Variants in MAP3K9 observed in about 807,000 individuals in gnomAD.
MAP3K9 encodes the protein mitogen-activated protein kinase kinase kinase 9.
MAP3K9 carries 46 observed loss-of-function variants against 95.8 expected under a neutral mutation model. The ratio of observed to expected loss-of-function variants is 0.48; its 90% CI spans 0.38 to 0.61. MAP3K9 has a LOEUF of 0.61. MAP3K9 is among the 20% of genes least tolerant of loss of function. The pLI is 0.00. For missense variants in MAP3K9, 1,296 were observed against 1,474.3 expected (o/e 0.88, Z 1.98); for synonymous variants, 533 against 593.8 (o/e 0.90, Z 1.49).
intron 8 of MAP3K9, 134 bp downstream of exon 8, chr14:70,738,111 A>G (rs1482544275): frequency 8.8e-6 from 9 of 1,026,760 alleles, no homozygotes; most frequent in Non-Finnish European, 1.2e-5. Flanking sequence ...AAACTGTTGT[A>G]AAGATCAAGA....
At chr14:70,763,784 A>G (rs896955932) in intron 2 of MAP3K9, among the ~76,000 whole-genome samples, 1 of 152,040 alleles carries the variant, frequency 6.6e-6, no homozygotes, top group African/African-American at 2.4e-5. Context: ...CTCCCACCTC[A>G]GCCTCCCAAA....
chr14:70,799,020 T>C (rs954427048), intron 2 of MAP3K9, among the ~76,000 whole-genome samples: 39 of 152,252 alleles, frequency 2.6e-4, no homozygotes, highest in Non-Finnish European at 5.7e-4. Flanking sequence ...AAATGTATAT[T>C]TGTATATGCA....
intron 2 of MAP3K9, among the ~76,000 whole-genome samples, chr14:70,796,944 G>A (rs1263910636): frequency 1.3e-5 from 2 of 152,128 alleles, no homozygotes; most frequent in Non-Finnish European, 2.9e-5. Context: ...TGGCTTTTCG[G>A]GCTACGTACG....
chr14:70,779,123 T>C (rs1452824264), intron 2 of MAP3K9, among the ~76,000 whole-genome samples: 7 of 152,170 alleles, frequency 4.6e-5, no homozygotes. Context: ...CCCTTGTAGC[T>C]GGAGCAGAAC....
intron 2 of MAP3K9, among the ~76,000 whole-genome samples, chr14:70,779,675 A>T (rs564347990): frequency 6.6e-6 from 1 of 152,286 alleles, no homozygotes; most frequent in East Asian, 1.9e-4. Flanking sequence ...GCAGCCACAA[A>T]CACCTAGAAA....
In MAP3K9 at chr14:70,779,537, T is replaced by C. The variant is rs144956400; in HGVS notation, c.821-18355A>G. ...TACTTGCTCTGGCTAAGTCCCTGTATGTCACCAATCTCACAGGAATATACT... is the reference window on the plus strand; with the variant it reads ...TACTTGCTCTGGCTAAGTCCCTGTACGTCACCAATCTCACAGGAATATACT... On this transcript the variant is annotated intron_variant, in intron 2 of 11. Coordinates refer to ENST00000554752, the MANE Select transcript of MAP3K9 (RefSeq NM_001284230.2). 5.9e-5 allele frequency among the ~76,000 whole-genome samples: 9 copies of C among 152,346 alleles called. 1 individual carries two copies. The East Asian group carries it at 1.5e-3, about 26-fold the overall frequency.
intron 2 of MAP3K9, among the ~76,000 whole-genome samples, chr14:70,798,721 G>A (rs1287412601): frequency 2.6e-5 from 4 of 151,644 alleles, no homozygotes; most frequent in Non-Finnish European, 4.4e-5. Context: ...CTCGTGATCC[G>A]CCCGCCTCGG....
chr14:70,791,376 T>C (rs2054805448), intron 2 of MAP3K9, among the ~76,000 whole-genome samples: 1 of 152,298 alleles, frequency 6.6e-6, no homozygotes, highest in South Asian at 2.1e-4. Context: ...CTGAGCTACT[T>C]GCTGCCCCAC....
At chr14:70,801,189 G>A in intron 1 of MAP3K9, 109 bp from the exon 2 acceptor site, 1 of 1,036,624 alleles carries the variant, frequency 9.6e-7, no homozygotes. Flanking sequence ...TGTTTACTGG[G>A]CCTTTCTGTC....
intron 2 of MAP3K9, among the ~76,000 whole-genome samples, chr14:70,790,665 C>A (rs1417818655): frequency 1.3e-5 from 2 of 152,188 alleles, no homozygotes; most frequent in Admixed American, 1.3e-4. Context: ...TGCATGGAAC[C>A]ATTTTGCGTG....
At chr14:70,767,525 GGGA>G (rs1175753972) in intron 2 of MAP3K9, among the ~76,000 whole-genome samples, 1 of 152,122 alleles carries the variant, frequency 6.6e-6, no homozygotes, top group African/African-American at 2.4e-5. Context: ...GAGGGGCACT[GGGA>G]GGAGACTAGA....
intron 3 of MAP3K9, among the ~76,000 whole-genome samples, chr14:70,754,153 ATTC>A (rs937593111): frequency 7.9e-5 from 12 of 152,206 alleles, no homozygotes; most frequent in South Asian, 4.1e-4. Context: ...GTAGCATATA[ATTC>A]TTCTTCTTAT....
chr14:70,796,078 C>T (rs1342114416), intron 2 of MAP3K9, among the ~76,000 whole-genome samples: 2 of 152,318 alleles, frequency 1.3e-5, no homozygotes, highest in East Asian at 3.9e-4. Flanking sequence ...TTAATGGCCA[C>T]TATTAAACTG....
At chr14:70,792,993 G>A (rs1428384841) in intron 2 of MAP3K9, among the ~76,000 whole-genome samples, 3 of 152,252 alleles carry the variant, frequency 2.0e-5, no homozygotes, top group South Asian at 2.1e-4. Flanking sequence ...TGGAGAGGGA[G>A]ATGCTACATG....
rs1162833672 is a variant in MAP3K9 at position 70,732,846 on chromosome 14, G to C, written c.2523C>G (p.Ser841=). ...SLTLLSLSSI[S]ECNSTRSLLR... is the part of the protein sequence containing the mutation. ...GCAGGGAGCGTGTGGAGTTGCACTC[G>C]GAGATGGAGGAGAGGGAGAGCAGCG... The change falls in exon 11 of 12, where the codon TCC becomes TCG. Residue 841 remains serine, a synonymous_variant. Transcript: ENST00000554752. 6.2e-7 allele frequency: 1 copy of C among 1,613,798 alleles called. No individual in the cohort carries two copies. Among genetic ancestry groups the C allele is most frequent in the Non-Finnish European group, 8.5e-7 (1 of 1,179,898 alleles).
chr14:70,804,006 G>A (rs1234339432), intron 1 of MAP3K9, among the ~76,000 whole-genome samples: 2 of 152,246 alleles, frequency 1.3e-5, no homozygotes, highest in African/African-American at 4.8e-5. Flanking sequence ...GCATCAGCAT[G>A]TTGGTGTCCA....
chr14:70,742,108 G>T (rs1477920037), intron 6 of MAP3K9, among the ~76,000 whole-genome samples: 1 of 152,190 alleles, frequency 6.6e-6, no homozygotes. Context: ...CTAGCAGCCT[G>T]GACCTTGCCG....
chr14:70,745,648 G>A (rs551622277), intron 5 of MAP3K9, among the ~76,000 whole-genome samples: 1 of 151,994 alleles, frequency 6.6e-6, no homozygotes, highest in Non-Finnish European at 1.5e-5. Flanking sequence ...TGAGGCAGGA[G>A]AATTGCTTGA....
Position 70,750,633 on chromosome 14 carries a change from C to T in MAP3K9, c.1002-552G>A, listed in dbSNP as rs138064551. 6.3e-3 allele frequency among the ~76,000 whole-genome samples: 961 copies of T among 152,182 alleles called. 11 individuals are homozygous for T. Among genetic ancestry groups the T allele is most frequent in the African/African-American group, 0.021 (873 of 41,520 alleles). ...CCGAGTAGCTGGGATTACAGGCATG[C>T]ACCACCACGCCCGGCTAATTTTTGT... On this transcript the variant is annotated intron_variant, in intron 3 of 11. Coordinates refer to ENST00000554752, the MANE Select transcript of MAP3K9 (RefSeq NM_001284230.2).
Sources: gnomAD v4.1 joint callset for allele counts (sites outside exome capture counted in the v4.1 genomes callset) on GRCh38, gnomAD v4.1.1 for gene constraint, MANE v1.5 for transcripts, NCBI Gene and HGNC (gene_info 2026-07-23, HGNC 2026-07-21) for gene names.